PALM2AKAP2: variants seen among roughly 807,000 people sequenced by gnomAD.
PALM2AKAP2 encodes PALM2-AKAP2 fusion protein.
A neutral mutation model predicts 71.5 loss-of-function variants in PALM2AKAP2; 37 were observed. The observed-to-expected ratio is 0.52, with a 90% CI of 0.40 to 0.68. PALM2AKAP2 has a LOEUF of 0.68. Among genes scored for constraint, PALM2AKAP2 ranks in the 30% least tolerant of loss-of-function variants. The pLI is 0.00. For missense variants in PALM2AKAP2, 1,224 were observed against 1,191.8 expected (o/e 1.03, Z -0.40); for synonymous variants, 468 against 478.8 (o/e 0.98, Z 0.29).
chr9:109,656,178 G>A (rs1827303645), intron 1 of PALM2AKAP2, among the ~76,000 whole-genome samples: 2 of 152,188 alleles, frequency 1.3e-5, no homozygotes, highest in Admixed American at 6.5e-5. Context: ...TAGGAGGAAG[G>A]AGAGCTCCAG....
chr9:109,932,574 G>A (rs1470940444), intron 6 of PALM2AKAP2, among the ~76,000 whole-genome samples: 1 of 152,210 alleles, frequency 6.6e-6, no homozygotes, highest in Non-Finnish European at 1.5e-5. Context: ...CATGTTACTT[G>A]CTAATGTGTC....
chr9:110,102,761 CT>C (rs1835030255), intron 1 of PALM2AKAP2, among the ~76,000 whole-genome samples: 1 of 152,344 alleles, frequency 6.6e-6, no homozygotes, highest in South Asian at 2.1e-4. Flanking sequence ...CTTATGCTTT[CT>C]TTCAATGACA....
intron 1 of PALM2AKAP2, among the ~76,000 whole-genome samples, chr9:109,659,075 C>G (rs1007228407): frequency 6.6e-6 from 1 of 152,164 alleles, no homozygotes; most frequent in Non-Finnish European, 1.5e-5. Flanking sequence ...CTCAATCTTT[C>G]ATCATTATGT....
intron 1 of PALM2AKAP2, among the ~76,000 whole-genome samples, chr9:110,070,204 A>C (rs1046614834): frequency 6.6e-6 from 1 of 152,250 alleles, no homozygotes; most frequent in Non-Finnish European, 1.5e-5. Flanking sequence ...GACATTGTCC[A>C]GTCCCATTCT....
intron 6 of PALM2AKAP2, among the ~76,000 whole-genome samples, chr9:109,968,944 T>G (rs1832008725): frequency 6.6e-6 from 1 of 151,696 alleles, no homozygotes; most frequent in Non-Finnish European, 1.5e-5. Flanking sequence ...AACTGTGGAG[T>G]GTGACACAGA....
At chr9:109,688,120 T>C (rs990018296) in intron 1 of PALM2AKAP2, among the ~76,000 whole-genome samples, 3 of 152,126 alleles carry the variant, frequency 2.0e-5, no homozygotes, top group African/African-American at 7.2e-5. Flanking sequence ...GATATGATAA[T>C]GATGAAAAAG....
chr9:109,700,345 C>G (rs1828034727), intron 1 of PALM2AKAP2, among the ~76,000 whole-genome samples: 1 of 152,168 alleles, frequency 6.6e-6, no homozygotes, highest in African/African-American at 2.4e-5. Flanking sequence ...TCCACATACT[C>G]TCTTGCCTGC....
chr9:109,782,961 C>T (rs1049855709), intron 1 of PALM2AKAP2, among the ~76,000 whole-genome samples: 3 of 152,196 alleles, frequency 2.0e-5, no homozygotes, highest in Admixed American at 2.0e-4. Flanking sequence ...AGATCACAAG[C>T]CTGCCCCCAG....
At chr9:110,077,070 CAG>C (rs1834339449) in intron 1 of PALM2AKAP2, among the ~76,000 whole-genome samples, 1 of 152,156 alleles carries the variant, frequency 6.6e-6, no homozygotes, top group African/African-American at 2.4e-5. Context: ...CTCAGTGAGT[CAG>C]AGTTTTGGAA....
intron 6 of PALM2AKAP2, among the ~76,000 whole-genome samples, chr9:110,015,278 A>G (rs1259743094): frequency 3.3e-5 from 5 of 152,184 alleles, no homozygotes; most frequent in South Asian, 2.1e-4. Context: ...ATGAGTCTCA[A>G]TATGAGGCCT....
intron 1 of PALM2AKAP2, among the ~76,000 whole-genome samples, chr9:110,100,081 A>ATATATATATATATATATATATC (rs1554751767): frequency 1.4e-5 from 2 of 144,364 alleles, no homozygotes. Flanking sequence ...ATATATATAT[A>ATATATATATATATATATATATC]GAAACATAAA....
intron 2 of PALM2AKAP2, among the ~76,000 whole-genome samples, chr9:110,138,842 C>T (rs557443818): frequency 7.9e-5 from 12 of 152,296 alleles, no homozygotes; most frequent in Non-Finnish European, 1.6e-4. Flanking sequence ...GAAAGCCTGC[C>T]TCTTGTCTGA....
chr9:109,699,046 A>G (rs1275004135), intron 1 of PALM2AKAP2, among the ~76,000 whole-genome samples: 3 of 152,250 alleles, frequency 2.0e-5, no homozygotes, highest in African/African-American at 7.2e-5. Flanking sequence ...GCTAAAGATG[A>G]CAACTTGATT....
At chr9:109,779,279 A>G (rs1829395499), upstream of PALM2AKAP2, among the ~76,000 whole-genome samples, 1 of 152,152 alleles carries the variant, frequency 6.6e-6, no homozygotes, top group South Asian at 2.1e-4. Context: ...TCTTACATCC[A>G]GTCCAGGACC....
chr9:109,753,294 G>C (rs959179726), intron 1 of PALM2AKAP2, among the ~76,000 whole-genome samples: 8 of 152,132 alleles, frequency 5.3e-5, no homozygotes, highest in African/African-American at 1.9e-4. Flanking sequence ...AGGCTTTAGG[G>C]AATCAGAGTG....
intron 1 of PALM2AKAP2, among the ~76,000 whole-genome samples, chr9:110,066,492 TTCTAGACCAGCCTGGG>T (rs1388580180): frequency 1.3e-5 from 2 of 152,080 alleles, no homozygotes; most frequent in Non-Finnish European, 2.9e-5. Flanking sequence ...AACCCAGAAG[TTCTAGACCAGCCTGGG>T]CAGCATAGTG....
chr9:110,010,033 T>C (rs1588056876), intron 6 of PALM2AKAP2, among the ~76,000 whole-genome samples: 1 of 152,236 alleles, frequency 6.6e-6, no homozygotes, highest in African/African-American at 2.4e-5. Flanking sequence ...TTCCTCTGAC[T>C]GTGCAGCTAG....
intron 1 of PALM2AKAP2, among the ~76,000 whole-genome samples, chr9:109,746,692 T>C (rs1385881658): frequency 6.6e-6 from 1 of 151,390 alleles, no homozygotes; most frequent in Non-Finnish European, 1.5e-5. Context: ...GGCACTGCTG[T>C]AAATGCTTTA....
chr9:109,908,808 G>GCGCACACACACACA (rs1454551204), intron 3 of PALM2AKAP2, among the ~76,000 whole-genome samples: 3 of 150,116 alleles, frequency 2.0e-5, no homozygotes, highest in Non-Finnish European at 4.4e-5. Flanking sequence ...GGATGCGTGT[G>GCGCACACACACACA]CACACACACA....
Sources: gnomAD v4.1 joint callset for allele counts (sites outside exome capture counted in the v4.1 genomes callset) on GRCh38, gnomAD v4.1.1 for gene constraint, MANE v1.5 for transcripts, NCBI Gene and HGNC (gene_info 2026-07-23, HGNC 2026-07-21) for gene names.